The following PTPRM variants were observed in gnomAD, a reference collection of about 807,000 sequenced individuals.
PTPRM encodes receptor-type tyrosine-protein phosphatase mu.
Under a neutral mutation model 186.7 loss-of-function variants are expected in PTPRM, and 47 were observed. The observed-to-expected ratio is 0.25, with a 90% CI of 0.20 to 0.32. The LOEUF (loss-of-function observed/expected upper bound fraction) is 0.32, where lower values mean the gene tolerates loss of function less well. PTPRM is among the 10% of genes least tolerant of loss of function. The pLI is 1.00. For missense variants in PTPRM, 1,494 were observed against 1,865.0 expected (o/e 0.80, Z 3.66); for synonymous variants, 668 against 674.9 (o/e 0.99, Z 0.16).
intron 1 of PTPRM, among the ~76,000 whole-genome samples, chr18:7,587,718 T>C (rs961504589): frequency 1.3e-5 from 2 of 152,078 alleles, no homozygotes; most frequent in African/African-American, 4.8e-5. Flanking sequence ...CCAATACATG[T>C]TTTAAATATA....
At chr18:8,285,146 G>A (rs982056462) in intron 19 of PTPRM, among the ~76,000 whole-genome samples, 2 of 152,158 alleles carry the variant, frequency 1.3e-5, no homozygotes, top group Non-Finnish European at 1.5e-5. Flanking sequence ...CAATTCAGTG[G>A]CACTTTATAT....
intron 1 of PTPRM, among the ~76,000 whole-genome samples, chr18:7,661,882 T>G (rs1183148333): frequency 1.4e-4 from 22 of 152,198 alleles, no homozygotes; most frequent in Non-Finnish European, 1.0e-4. Context: ...TCTGATCTTA[T>G]TTTTAATGGC....
intron 2 of PTPRM, among the ~76,000 whole-genome samples, chr18:7,881,827 C>G (rs1451331386): frequency 6.6e-6 from 1 of 152,142 alleles, no homozygotes; most frequent in Non-Finnish European, 1.5e-5. Context: ...AGCCTGGGTG[C>G]AGCCTTTCCA....
At chr18:8,138,419 T>C (rs1027468065) in intron 13 of PTPRM, among the ~76,000 whole-genome samples, 1 of 152,072 alleles carries the variant, frequency 6.6e-6, no homozygotes, top group Non-Finnish European at 1.5e-5. Context: ...TCCTTGGAAC[T>C]CCTGGTTGGC....
chr18:7,832,434 C>A (rs185726161), intron 2 of PTPRM, among the ~76,000 whole-genome samples: 2 of 151,128 alleles, frequency 1.3e-5, no homozygotes, highest in African/African-American at 4.8e-5. Flanking sequence ...TCTTTTGAGA[C>A]GTGTCTATTA....
chr18:8,201,441 T>A lies in PTPRM; in HGVS notation c.2301-42617T>A, dbSNP rs143016494. On this transcript the variant is annotated intron_variant, in intron 14 of 32. Transcript: ENST00000580170. ...TGTGAATGGCTCATTAGTACTTGTG[T>A]CCTTTTAAAAACACTTATGAATACC... 9.8e-5 allele frequency among the ~76,000 whole-genome samples: 15 copies of A among 152,388 alleles called. No homozygotes were observed. In the East Asian group the frequency reaches 2.9e-3, roughly 29 times the overall value.
chr18:8,142,455 C>CA (rs1268998465), intron 13 of PTPRM, among the ~76,000 whole-genome samples: 1 of 152,000 alleles, frequency 6.6e-6, no homozygotes, highest in Non-Finnish European at 1.5e-5. Flanking sequence ...CCAAAGGACA[C>CA]AAAAAAACAG....
intron 1 of PTPRM, among the ~76,000 whole-genome samples, chr18:7,732,136 G>C (rs1202833607): frequency 6.6e-6 from 1 of 152,106 alleles, no homozygotes; most frequent in African/African-American, 2.4e-5. Context: ...TCCTTTAAAG[G>C]AAAAGGAGTA....
chr18:8,026,520 T>C (rs2085578192), intron 7 of PTPRM, among the ~76,000 whole-genome samples: 1 of 152,190 alleles, frequency 6.6e-6, no homozygotes, highest in African/African-American at 2.4e-5. Flanking sequence ...GTATGTAGTA[T>C]ATTATTTCAA....
At chr18:7,884,853 G>A (rs527755897) in intron 2 of PTPRM, among the ~76,000 whole-genome samples, 3 of 144,910 alleles carry the variant, frequency 2.1e-5, no homozygotes, top group African/African-American at 7.7e-5. Flanking sequence ...GAACCCAGGA[G>A]GCAGAGGTTG....
chr18:7,956,492 G>A (rs1275043012), intron 7 of PTPRM, among the ~76,000 whole-genome samples: 1 of 151,950 alleles, frequency 6.6e-6, no homozygotes, highest in Non-Finnish European at 1.5e-5. Context: ...TTTTTCTTCT[G>A]GGGATACATG....
chr18:8,006,383 C>T (rs981155873), intron 7 of PTPRM, among the ~76,000 whole-genome samples: 3 of 152,074 alleles, frequency 2.0e-5, no homozygotes, highest in Non-Finnish European at 4.4e-5. Context: ...TGGCCCTGTT[C>T]GCATAATAAA....
chr18:8,098,810 C>T (rs73387764), intron 11 of PTPRM, among the ~76,000 whole-genome samples: 4,603 of 152,088 alleles, frequency 0.03, 226 homozygotes, highest in African/African-American at 0.11. Context: ...CAATCACTGT[C>T]TTAGTTCATA....
intron 14 of PTPRM, among the ~76,000 whole-genome samples, chr18:8,238,659 T>TG (rs1568578151): frequency 1.5e-5 from 2 of 133,878 alleles, no homozygotes; most frequent in East Asian, 4.3e-4. Flanking sequence ...GTGTTTTTTT[T>TG]TTTTTTTTTT....
At chr18:8,312,408 C>T (rs756705283) in intron 20 of PTPRM, among the ~76,000 whole-genome samples, 29 of 152,128 alleles carry the variant, frequency 1.9e-4, no homozygotes, top group Non-Finnish European at 3.2e-4. Flanking sequence ...AGGAAACATT[C>T]TGACTGCCGG....
At chr18:7,605,643 T>C (rs2037513723) in intron 1 of PTPRM, among the ~76,000 whole-genome samples, 1 of 152,220 alleles carries the variant, frequency 6.6e-6, no homozygotes, top group Non-Finnish European at 1.5e-5. Context: ...GTTCCAGTTG[T>C]GTGGGATGAG....
At chr18:7,809,132 G>A (rs2145453487) in intron 2 of PTPRM, among the ~76,000 whole-genome samples, 1 of 152,234 alleles carries the variant, frequency 6.6e-6, no homozygotes, top group East Asian at 1.9e-4. Flanking sequence ...GCTGGTGGGT[G>A]TTCCCATGAG....
At chr18:7,889,373 A>G (rs1387346823) in intron 3 of PTPRM, among the ~76,000 whole-genome samples, 1 of 120,604 alleles carries the variant, frequency 8.3e-6, no homozygotes, top group Non-Finnish European at 1.6e-5. Flanking sequence ...GACTCGTTCC[A>G]TCACCCGGGC....
intron 11 of PTPRM, among the ~76,000 whole-genome samples, chr18:8,090,375 C>T (rs1289470750): frequency 2.0e-5 from 3 of 152,170 alleles, no homozygotes; most frequent in Non-Finnish European, 4.4e-5. Context: ...TGCAAAGCAT[C>T]ATGATCATGT....
Sources: gnomAD v4.1 joint callset for allele counts (sites outside exome capture counted in the v4.1 genomes callset) on GRCh38, gnomAD v4.1.1 for gene constraint, MANE v1.5 for transcripts, NCBI Gene and HGNC (gene_info 2026-07-23, HGNC 2026-07-21) for gene names.